Variants in ZNF800 observed in about 807,000 individuals in gnomAD.
The protein encoded by ZNF800 is zinc finger protein 800.
ZNF800 carries 13 observed loss-of-function variants against 59.5 expected under a neutral mutation model. The ratio of observed to expected loss-of-function variants is 0.22; its 90% CI spans 0.14 to 0.35. The LOEUF (loss-of-function observed/expected upper bound fraction) is 0.35. ZNF800 is among the 10% of genes least tolerant of loss of function. The probability of loss-of-function intolerance (pLI) is 1.00; values close to 1 mark genes in which losing one functional copy is unlikely to be tolerated. For missense variants in ZNF800, 621 were observed against 783.7 expected (o/e 0.79, Z 2.48); for synonymous variants, 266 against 265.7 (o/e 1.00, Z -0.01).
At chr7:127,348,868 A>G (rs1402230085) in intron 1 of ZNF800, among the ~76,000 whole-genome samples, 3 of 152,200 alleles carry the variant, frequency 2.0e-5, no homozygotes, top group Non-Finnish European at 4.4e-5. Flanking sequence ...TTTCTTTTCT[A>G]TTGTGTAGCA....
At position 127,371,595 on chromosome 7, in the gene ZNF800, T is replaced by C. The variant is rs1322376453; in HGVS notation, c.*219A>G. 2 of 418,780 alleles carry C rather than the reference T, an allele frequency of 4.8e-6. No individual in the cohort carries two copies. The highest frequency in any genetic ancestry group is 3.7e-5 in the East Asian group (1 of 26,990). The allele number at this position is 418,780 out of a possible 1,614,324, so 25.9% of individuals were successfully genotyped here. A position where few individuals can be genotyped will look rare whatever the true frequency, so the allele number is the denominator to read the frequency against. ...TGGACTGTGATGACAACATGTAATA[T>C]CACAGCTACTTGAAAGTGCTGGAAT... On this transcript the variant is annotated 3_prime_UTR_variant, in exon 6 of 6. Coordinates refer to ENST00000265827, the MANE Select transcript of ZNF800 (RefSeq NM_176814.5).
At chr7:127,387,917 AACACACACACACACAC>A (rs141731563) in intron 2 of ZNF800, among the ~76,000 whole-genome samples, 6 of 147,730 alleles carry the variant, frequency 4.1e-5, no homozygotes, top group East Asian at 2.0e-4. Flanking sequence ...ATTAATTAAG[AACACACACACACACAC>A]ACACACACAC....
At chr7:127,345,819 TG>T (rs1800052657), downstream of ZNF800, among the ~76,000 whole-genome samples, 1 of 152,178 alleles carries the variant, frequency 6.6e-6, no homozygotes, top group South Asian at 2.1e-4. Flanking sequence ...AGAGACCAGG[TG>T]GGACTGGTGT....
intron 1 of ZNF800, among the ~76,000 whole-genome samples, chr7:127,348,446 A>C (rs905091987): frequency 6.8e-6 from 1 of 146,636 alleles, no homozygotes; most frequent in African/African-American, 2.5e-5. Flanking sequence ...AAAAAAAAAA[A>C]ATGGGAATGT....
downstream of ZNF800, among the ~76,000 whole-genome samples, chr7:127,365,623 T>C (rs781655601): frequency 2.6e-5 from 4 of 152,040 alleles, no homozygotes; most frequent in East Asian, 1.9e-4. Flanking sequence ...ACATTAATCA[T>C]GAAGAAACAA....
At position 127,374,515 on chromosome 7, in the gene ZNF800, G is replaced by C. The variant is rs774806951; in HGVS notation, c.821C>G (p.Ser274Cys). Residue 274 changes from serine to cysteine, a missense_variant, in exon 5 of 6, where the codon TCT becomes TGT. Physicochemically the swap from Ser to Cys is moderately radical, Grantham distance 112. Transcript: ENST00000265827. The stretch of plus-strand genomic sequence containing the variant: ...TAGAACATTCTTACTGCGTCCTTTA[G>C]AGGATTGGTTTGGATTCTTTCGTGT... ...IETRKNPNQS[S>C]KGRSKNVLVP... is the part of the protein sequence containing the mutation. 1 of 1,614,134 alleles carries C rather than the reference G, an allele frequency of 6.2e-7. No individual in the cohort carries two copies. The highest frequency in any genetic ancestry group is 8.5e-7 in the Non-Finnish European group (1 of 1,179,988).
chr7:127,351,005 G>A (rs1489739301), intron 1 of ZNF800, among the ~76,000 whole-genome samples: 1 of 152,226 alleles, frequency 6.6e-6, no homozygotes, highest in Non-Finnish European at 1.5e-5. Flanking sequence ...ATGAAAATGT[G>A]AAGCTGGATG....
rs1801353812 is a variant in ZNF800, at chr7:127,392,213, C to G, written c.-212G>C. Reference sequence around the variant, plus strand: ...AACCCGGACTCGGGCCCGACGCGCTCCCAAAGAGTCCCCGCCGGCGCTGAC... The same window carrying G: ...AACCCGGACTCGGGCCCGACGCGCTGCCAAAGAGTCCCCGCCGGCGCTGAC... On this transcript the variant is annotated 5_prime_UTR_variant, in exon 1 of 6. Coordinates refer to ENST00000265827, the MANE Select transcript of ZNF800 (RefSeq NM_176814.5). The G allele has an allele frequency of 7.6e-6, 3 of 394,774 alleles. No individual in the cohort carries two copies. The highest frequency in any genetic ancestry group is 8.9e-6 in the Non-Finnish European group (2 of 223,466). 24.5% of individuals were successfully genotyped at this position (394,774 alleles called of 1,614,324 possible).
chr7:127,374,209 C>T lies in ZNF800; in HGVS notation c.1127G>A (p.Arg376Lys), dbSNP rs1354846830. The T allele has an allele frequency of 6.2e-7, 1 of 1,613,916 alleles. No homozygotes were observed. The highest frequency in any genetic ancestry group is 8.5e-7 in the Non-Finnish European group (1 of 1,179,992). The part of the protein sequence containing the change: ...RKYSSQIMLK[R>K]HMQIVHKITL... Reference sequence around the variant, plus strand: ...TATCTTGTGGACAATTTGCATATGTCTTTTAAGCATTATTTGTGAACTATA... The same window carrying T: ...TATCTTGTGGACAATTTGCATATGTTTTTTAAGCATTATTTGTGAACTATA... Residue 376 changes from arginine to lysine, a missense_variant, in exon 5 of 6, where the codon AGA becomes AAA. Transcript: ENST00000265827.
At position 127,355,253 on chromosome 7, in the gene ZNF800, A is replaced by G. The variant is rs1394100219; in HGVS notation, n.225-7210T>C. Among the ~76,000 whole-genome samples, 14 of 152,168 alleles carry G rather than the reference A, an allele frequency of 9.2e-5. No homozygotes were observed. In the East Asian group the frequency reaches 2.7e-3, roughly 29 times the overall value. On this transcript the variant is annotated intron_variant and non_coding_transcript_variant, in intron 1 of 1. Transcript: ENST00000485577. ...AGAGCAATAGAAAGCTTAGACCAGG[A>G]AAAATAGGACATGAAGAAGACACTA...
chr7:127,345,404 G>C (rs1429595576), downstream of ZNF800, among the ~76,000 whole-genome samples: 2 of 152,168 alleles, frequency 1.3e-5, no homozygotes, highest in Non-Finnish European at 2.9e-5. Context: ...AGGACAGAAA[G>C]GGAGGGTCTA....
rs1040472700 is a variant in ZNF800, at chr7:127,354,748, ACTT to A, written n.225-6708_225-6706del. Among the ~76,000 whole-genome samples the A allele has an allele frequency of 3.3e-5, 5 of 152,068 alleles. No individual in the cohort carries two copies. The East Asian group carries it at 5.8e-4, about 18-fold the overall frequency. On this transcript the variant is annotated intron_variant and non_coding_transcript_variant, in intron 1 of 1. Coordinates refer to the ZNF800 transcript ENST00000485577. ...AAGAGATAGCTGGCTTCTATTCCTGACTTCTTCATCAGCTACACATTTGACCTT... is the reference window on the plus strand; with the variant it reads ...AAGAGATAGCTGGCTTCTATTCCTGACTTCATCAGCTACACATTTGACCTT...
In ZNF800 at chr7:127,360,568, T is replaced by C. The variant is rs139429655; in HGVS notation, n.225-12525A>G. The C allele has an allele frequency of 3.9e-5, 6 of 152,066 alleles. No homozygotes were observed. In the East Asian group the frequency reaches 1.2e-3, roughly 29 times the overall value. 9.4% of individuals were successfully genotyped at this position (152,066 alleles called of 1,614,324 possible). Reference sequence around the variant, plus strand: ...CTCCAAAGAGACCCAAACTGGTTCTTTGCTGGAACAAAATACATTTTAAAT... The same window carrying C: ...CTCCAAAGAGACCCAAACTGGTTCTCTGCTGGAACAAAATACATTTTAAAT... On this transcript the variant is annotated intron_variant and non_coding_transcript_variant, in intron 1 of 1. Transcript: ENST00000485577.
intron 1 of ZNF800, among the ~76,000 whole-genome samples, chr7:127,353,978 C>G (rs568224975): frequency 8.9e-4 from 136 of 152,114 alleles, no homozygotes; most frequent in Non-Finnish European, 1.8e-3. Context: ...CTGTGATATG[C>G]ATTTGAGGTT....
At chr7:127,391,736 T>G in intron 1 of ZNF800, 121 bp from the exon 2 acceptor site, 1 of 631,220 alleles carries the variant, frequency 1.6e-6, no homozygotes, top group Non-Finnish European at 2.9e-6. Flanking sequence ...CGCACCTCCC[T>G]CTCGAAAAGA....
In ZNF800 at chr7:127,374,354, G is replaced by C; in HGVS notation, c.982C>G (p.Gln328Glu). 1 of 1,613,746 alleles carries C rather than the reference G, an allele frequency of 6.2e-7. No homozygotes were observed. Among genetic ancestry groups the C allele is most frequent in the Non-Finnish European group, 8.5e-7 (1 of 1,179,942 alleles). The change falls in exon 5 of 6, where the codon CAA becomes GAA. Residue 328 changes from glutamine to glutamate, a missense_variant. By Grantham distance (29) the Gln-to-Glu change is conservative. Transcript: ENST00000265827. ...GAAATAGAATCCAGGAACAAAGGTTGCCCAGGCTTTGTTGCTATATCAGGA... is the reference window on the plus strand; with the variant it reads ...GAAATAGAATCCAGGAACAAAGGTTCCCCAGGCTTTGTTGCTATATCAGGA... Reference protein sequence around the residue: ...ITPDIATKPGQPLFLDSISPK... With the variant: ...ITPDIATKPGEPLFLDSISPK...
intron 5 of ZNF800, among the ~76,000 whole-genome samples, chr7:127,372,099 T>C (rs1800646773): frequency 6.6e-6 from 1 of 152,190 alleles, no homozygotes; most frequent in South Asian, 2.1e-4. Context: ...AAAATATATA[T>C]AGACTTGCGA....
downstream of ZNF800, among the ~76,000 whole-genome samples, chr7:127,368,905 G>A (rs1800567810): frequency 6.6e-6 from 1 of 151,870 alleles, no homozygotes; most frequent in East Asian, 1.9e-4. Context: ...AGCAACCTGT[G>A]TCAACCAAAA....
Position 127,359,630 on chromosome 7 carries a change from C to G in ZNF800, n.225-11587G>C, listed in dbSNP as rs574279126. On this transcript the variant is annotated intron_variant and non_coding_transcript_variant, in intron 1 of 1. Coordinates refer to the ZNF800 transcript ENST00000485577. ...AGAGTTGAGTGTTATTTTTAAGAGGCAATAGAGTCTCTGAACAGATGACTT... is the reference window on the plus strand; with the variant it reads ...AGAGTTGAGTGTTATTTTTAAGAGGGAATAGAGTCTCTGAACAGATGACTT... 8.5e-5 allele frequency among the ~76,000 whole-genome samples: 13 copies of G among 152,086 alleles called. No individual in the cohort carries two copies. The East Asian group carries it at 2.5e-3, about 30-fold the overall frequency.
Sources: allele counts gnomAD v4.1 joint callset (sites outside exome capture counted in the v4.1 genomes callset), GRCh38; gene constraint gnomAD v4.1.1; transcripts MANE v1.5; gene names NCBI Gene and HGNC (gene_info 2026-07-23, HGNC 2026-07-21).